G3BP2: variants seen among roughly 807,000 people sequenced by gnomAD.
G3BP2 encodes the protein ras GTPase-activating protein-binding protein 2.
A neutral mutation model predicts 56.7 loss-of-function variants in G3BP2; 11 were observed. The ratio of observed to expected loss-of-function variants is 0.19; its 90% CI spans 0.12 to 0.32. The LOEUF is 0.32. Among genes scored for constraint, G3BP2 ranks in the 10% least tolerant of loss-of-function variants. G3BP2 has a pLI of 1.00. For synonymous variants in G3BP2, 165 were observed against 191.6 expected, an observed-to-expected ratio of 0.86 and a Z score of 1.15; for missense variants, 340 against 610.9, an observed-to-expected ratio of 0.56 and a Z score of 4.67.
At chr4:75,663,644 A>T (rs1732744885) in intron 1 of G3BP2, among the ~76,000 whole-genome samples, 1 of 151,824 alleles carries the variant, frequency 6.6e-6, no homozygotes, top group South Asian at 2.1e-4. Flanking sequence ...GGTGGATCAC[A>T]AGGGCAGGAG....
chr4:75,697,273 C>CAAAAAAAAAAAAA (rs869037819), intron 3 of G3BP2, among the ~76,000 whole-genome samples: 22 of 28,794 alleles, frequency 7.6e-4, no homozygotes, highest in African/African-American at 1.4e-3. Flanking sequence ...GACTCTGTCT[C>CAAAAAAAAAAAAA]AAAAAAAAAA....
intron 1 of G3BP2, among the ~76,000 whole-genome samples, chr4:75,723,198 G>A (rs1188539277): frequency 6.6e-6 from 1 of 152,210 alleles, no homozygotes; most frequent in Non-Finnish European, 1.5e-5. Context: ...ATGTGGGGGA[G>A]GCAGGAGCTG....
chr4:75,655,979 G>A, intron 5 of G3BP2, 109 bp from the exon 6 acceptor site: 1 of 612,424 alleles, frequency 1.6e-6, no homozygotes, highest in Non-Finnish European at 2.9e-6. Flanking sequence ...AAGAAAATTT[G>A]ACAATTTTCT....
chr4:75,663,490 G>A (rs574054183), intron 1 of G3BP2, among the ~76,000 whole-genome samples: 23 of 152,184 alleles, frequency 1.5e-4, no homozygotes, highest in Non-Finnish European at 3.4e-4. Flanking sequence ...TGCCCTGACT[G>A]GTCTCGAACT....
At chr4:75,704,794 G>A (rs534402717) in intron 3 of G3BP2, among the ~76,000 whole-genome samples, 8 of 152,022 alleles carry the variant, frequency 5.3e-5, no homozygotes, top group South Asian at 4.2e-4. Flanking sequence ...CATCATGCCC[G>A]GTTAATTTTT....
chr4:75,650,426 C>CAAA lies in G3BP2; in HGVS notation c.826-1688_826-1686dup, dbSNP rs1220235661. 7.8e-5 allele frequency among the ~76,000 whole-genome samples: 6 copies of CAAA among 76,762 alleles called. 1 individual carries two copies. Among genetic ancestry groups the CAAA allele is most frequent in the Non-Finnish European group, 1.2e-4 (5 of 41,240 alleles). The allele number at this position is 76,762 out of a possible 152,430, so 50.4% of individuals were successfully genotyped here. A position where few individuals can be genotyped will look rare whatever the true frequency, so the allele number is the denominator to read the frequency against. ...GGGCAACAAGAGAGAAACTCCATCT[C>CAAA]AAAAAAAAAAAAAAAAAAAGCTTCT... On this transcript the variant is annotated intron_variant, in intron 8 of 11. Transcript: ENST00000359707.
intron 1 of G3BP2, among the ~76,000 whole-genome samples, chr4:75,666,329 ATAAG>A (rs1733033381): frequency 6.6e-6 from 1 of 152,252 alleles, no homozygotes; most frequent in Non-Finnish European, 1.5e-5. Context: ...CAAATGGTAA[ATAAG>A]TAAGGCAATG....
intron 1 of G3BP2, 61 bp downstream of exon 1, chr4:75,673,147 G>A: frequency 3.5e-6 from 4 of 1,131,436 alleles, no homozygotes; most frequent in East Asian, 4.5e-5. Context: ...GCCGCGGAGC[G>A]CGAATGGAAT....
chr4:75,698,952 G>A (rs982665226), intron 3 of G3BP2, among the ~76,000 whole-genome samples: 5 of 152,038 alleles, frequency 3.3e-5, no homozygotes, highest in African/African-American at 9.7e-5. Context: ...CAAAGTGCTG[G>A]GAATACAGGC....
In G3BP2 at chr4:75,656,928, A is replaced by C; in HGVS notation, c.438T>G (p.Asp146Glu). ...ATATCTTCAAAGTAACCTCACCTTC[A>C]TCAAGTTCAGGCTCAGAATCACCAA... is the stretch of plus-strand genomic sequence containing the variant. ...EVFGDSEPELDEESEDEVEEE... is the reference protein window; with the variant it reads ...EVFGDSEPELEEESEDEVEEE... The change falls in exon 5 of 12, where the codon GAT becomes GAG. Residue 146 changes from aspartate to glutamate, a missense_variant. This residue lies in a region of G3BP2 where 224 missense variants were observed against 332.5 expected (regional missense o/e 0.67). Coordinates refer to ENST00000359707, the MANE Select transcript of G3BP2 (RefSeq NM_203505.3). 2 of 1,428,808 alleles carry C rather than the reference A, an allele frequency of 1.4e-6. No individual in the cohort carries two copies. The highest frequency in any genetic ancestry group is 2.0e-6 in the Non-Finnish European group (2 of 1,017,622). 88.5% of individuals were successfully genotyped at this position (1,428,808 alleles called of 1,614,324 possible). A position where few individuals can be genotyped will look rare whatever the true frequency, so the allele number is the denominator to read the frequency against.
Position 75,657,629 on chromosome 4 carries a change from C to T in G3BP2, c.279G>A (p.Gln93=). 29 of 1,613,422 alleles carry T rather than the reference C, an allele frequency of 1.8e-5. No homozygotes were observed. The highest frequency in any genetic ancestry group is 2.5e-5 in the Non-Finnish European group (29 of 1,179,384). Reference sequence around the variant, plus strand: ...CACTGTTAGACAGCAAACCCATGACCTGGACAACTACTCCATCACTCAAGG... The same window carrying T: ...CACTGTTAGACAGCAAACCCATGACTTGGACAACTACTCCATCACTCAAGG... The part of the protein sequence containing the change: ...HATLSDGVVV[Q]VMGLLSNSGQ... Residue 93 remains glutamine (Q), a synonymous_variant, in exon 4 of 12, where the codon CAG becomes CAA. Coordinates refer to ENST00000359707, the MANE Select transcript of G3BP2 (RefSeq NM_203505.3).
chr4:75,664,030 C>T (rs1257233042), intron 1 of G3BP2, among the ~76,000 whole-genome samples: 5 of 150,426 alleles, frequency 3.3e-5, no homozygotes, highest in African/African-American at 4.9e-5. Context: ...ACTACAGGCA[C>T]GTGTCACCAC....
chr4:75,709,705 A>G (rs1011688312), intron 3 of G3BP2, among the ~76,000 whole-genome samples: 3 of 152,116 alleles, frequency 2.0e-5, no homozygotes, highest in Non-Finnish European at 4.4e-5. Context: ...GGCGGGTTTC[A>G]GAGATGGGGT....
chr4:75,653,320 T>A (rs529904476), intron 8 of G3BP2, among the ~76,000 whole-genome samples: 29 of 152,230 alleles, frequency 1.9e-4, no homozygotes, highest in South Asian at 4.2e-4. Flanking sequence ...ACCCTTTATA[T>A]GCTGATAAAC....
rs1280790295 is a variant in G3BP2, at chr4:75,673,323, C to T, written c.-140G>A. 3 of 1,229,616 alleles carry T rather than the reference C, an allele frequency of 2.4e-6. No individual in the cohort carries two copies. Among genetic ancestry groups the T allele is most frequent in the Admixed American group, 4.2e-5 (1 of 23,618 alleles). The allele number at this position is 1,229,616 out of a possible 1,614,324, so 76.2% of individuals were successfully genotyped here. On this transcript the variant is annotated 5_prime_UTR_variant, in exon 1 of 12. Transcript: ENST00000359707. ...CCTTCCTCCGACAACTCGGAAGCCT[C>T]GGAAGCCGGAGAGCCGCGAGTTCGT...
Position 75,662,018 on chromosome 4 carries a change from A to G in G3BP2, c.8T>C (p.Met3Thr). Residue 3 changes from methionine to threonine, a missense_variant, in exon 2 of 12, where the codon ATG becomes ACG. By Grantham distance (81) the Met-to-Thr change is moderately conservative. Coordinates refer to ENST00000359707, the MANE Select transcript of G3BP2 (RefSeq NM_203505.3). MV[M>T]EKPSPLLVGR... is the part of the protein sequence containing the mutation. ...TACAAGCAGCGGACTGGGCTTCTCCATAACCATTTCTTTGCTGCACAATGT... is the reference window on the plus strand; with the variant it reads ...TACAAGCAGCGGACTGGGCTTCTCCGTAACCATTTCTTTGCTGCACAATGT... 2 of 1,608,212 alleles carry G rather than the reference A, an allele frequency of 1.2e-6. No homozygotes were observed. The highest frequency in any genetic ancestry group is 1.7e-6 in the Non-Finnish European group (2 of 1,174,836).
intron 3 of G3BP2, among the ~76,000 whole-genome samples, chr4:75,710,046 G>C (rs538881013): frequency 6.8e-4 from 103 of 152,260 alleles, no homozygotes; most frequent in African/African-American, 2.4e-3. Flanking sequence ...CCACATACTA[G>C]GTAATGTAAT....
At chr4:75,676,303 T>C (rs575996913), upstream of G3BP2, among the ~76,000 whole-genome samples, 1 of 151,626 alleles carries the variant, frequency 6.6e-6, no homozygotes, top group Admixed American at 6.6e-5. Flanking sequence ...CCTCTTTTTC[T>C]CACACCAATT....
upstream of G3BP2, chr4:75,673,567 C>T: frequency 8.1e-7 from 1 of 1,231,958 alleles, no homozygotes; most frequent in Non-Finnish European, 1.0e-6. Flanking sequence ...TACGCTGCCG[C>T]GCTCGCACAC....
Sources: gnomAD v4.1 joint callset for allele counts (sites outside exome capture counted in the v4.1 genomes callset) on GRCh38, gnomAD v4.1.1 for gene constraint, gnomAD v4.1.1 regional missense constraint, MANE v1.5 for transcripts, NCBI Gene and HGNC (gene_info 2026-07-23, HGNC 2026-07-21) for gene names.